The following SH2D3C variants were observed in gnomAD, a reference collection of about 807,000 sequenced individuals.
SH2D3C encodes SH2 domain containing 3C.
SH2D3C carries 25 observed loss-of-function variants against 75.2 expected under a neutral mutation model. The observed-to-expected ratio is 0.33, with a 90% confidence interval of 0.24 to 0.46. The LOEUF is 0.46. Ranked by LOEUF, SH2D3C falls within the 20% of genes least tolerant of loss-of-function variation. SH2D3C has a pLI of 1.00. For missense variants in SH2D3C, 933 were observed against 1,165.3 expected (o/e 0.80, Z 2.90); for synonymous variants, 450 against 473.7 (o/e 0.95, Z 0.65).
At chr9:127,767,225 G>T in intron 2 of SH2D3C, 2 of 1,500,334 alleles carry the variant, frequency 1.3e-6, no homozygotes, top group Non-Finnish European at 1.8e-6. Context: ...TCCCAGAGCG[G>T]AGCTGAGGAT....
At chr9:127,763,589 G>A (rs1408618439) in intron 2 of SH2D3C, among the ~76,000 whole-genome samples, 1 of 152,182 alleles carries the variant, frequency 6.6e-6, no homozygotes, top group East Asian at 1.9e-4. Flanking sequence ...GTTGATCGCT[G>A]TCATCATTAA....
chr9:127,755,031 G>C, intron 3 of SH2D3C: 1 of 947,402 alleles, frequency 1.1e-6, no homozygotes, highest in Non-Finnish European at 1.3e-6. Flanking sequence ...CGGAGCGGCC[G>C]GGGGTCCCAG....
intron 7 of SH2D3C, 94 bp from the exon 8 acceptor site, chr9:127,743,058 C>T: frequency 1.2e-6 from 1 of 809,642 alleles, no homozygotes; most frequent in Non-Finnish European, 2.0e-6. Flanking sequence ...GGTAGGTAGC[C>T]TGGTTGGGAG....
At chr9:127,747,041 G>T in intron 6 of SH2D3C, 106 bp downstream of exon 6, 1 of 1,133,116 alleles carries the variant, frequency 8.8e-7, no homozygotes. Flanking sequence ...CTTGGTAAAG[G>T]TCGCGCCTCA....
In SH2D3C at chr9:127,738,453, G is replaced by A. The variant is rs1377840036; in HGVS notation, c.*293C>T. ...ACAGACAGAGAGTGAGGAGGCGTGAGCAGCCTGCCTCCCATGGCTCGAAAA... is the reference window on the plus strand; with the variant it reads ...ACAGACAGAGAGTGAGGAGGCGTGAACAGCCTGCCTCCCATGGCTCGAAAA... On this transcript the variant is annotated 3_prime_UTR_variant, in exon 12 of 12. Transcript: ENST00000314830. The surrounding 1 kb of genome is among the most constrained non-coding windows in gnomAD (Gnocchi z 5.0). The A allele has an allele frequency of 3.4e-6, 1 of 291,952 alleles. No individual in the cohort carries two copies. The highest frequency in any genetic ancestry group is 2.2e-5 in the African/African-American group (1 of 45,552). The allele number at this position is 291,952 out of a possible 1,614,324, so 18.1% of individuals were successfully genotyped here. A position where few individuals can be genotyped will look rare whatever the true frequency, so the allele number is the denominator to read the frequency against.
chr9:127,741,084 A>G (rs1169558607), intron 9 of SH2D3C, among the ~76,000 whole-genome samples: 1 of 152,202 alleles, frequency 6.6e-6, no homozygotes, highest in Non-Finnish European at 1.5e-5. Context: ...ACCTTAGGCA[A>G]GGACTGCTCT....
chr9:127,776,350 C>T (rs1355008908), intron 1 of SH2D3C, among the ~76,000 whole-genome samples: 1 of 151,840 alleles, frequency 6.6e-6, no homozygotes, highest in African/African-American at 2.4e-5. Flanking sequence ...TTCCAGCCAG[C>T]CTCTGTGCAC....
rs1180024814 is a variant in SH2D3C, at chr9:127,749,400, C to A, written c.950G>T (p.Cys317Phe). The A allele has an allele frequency of 1.2e-6, 2 of 1,614,034 alleles. No homozygotes were observed. Among genetic ancestry groups the A allele is most frequent in the African/African-American group, 2.7e-5 (2 of 74,940 alleles). The change falls in exon 5 of 12, where the codon TGC becomes TTC. Residue 317 changes from cysteine to phenylalanine, a missense_variant. Coordinates refer to ENST00000314830, the MANE Select transcript of SH2D3C (RefSeq NM_170600.3). The surrounding 1 kb of genome is among the most constrained non-coding windows in gnomAD (Gnocchi z 5.9). Reference protein sequence around the residue: ...VSEQSGAIIYCPVNRTFPLRY... With the variant: ...VSEQSGAIIYFPVNRTFPLRY... ...CAGTGGGAAGGTGCGGTTCACCGGGCAGTAGATGATGGCACCACTCTGCTC... is the reference window on the plus strand; with the variant it reads ...CAGTGGGAAGGTGCGGTTCACCGGGAAGTAGATGATGGCACCACTCTGCTC...
At chr9:127,740,705 G>A (rs1844829229) in intron 9 of SH2D3C, among the ~76,000 whole-genome samples, 1 of 152,220 alleles carries the variant, frequency 6.6e-6, no homozygotes, top group South Asian at 2.1e-4. Context: ...TTTTGAGACG[G>A]AGTCTCATTC....
At position 127,754,061 on chromosome 9, in the gene SH2D3C, G is replaced by A. The variant is rs1011664555; in HGVS notation, c.556-2761C>T. ...ACACCTGAGGGTGAGGAATCCTAGG[G>A]TCCCTGTGCCTTGATCTCACCTCGA... On this transcript the variant is annotated intron_variant, in intron 3 of 11. Coordinates refer to ENST00000314830, the MANE Select transcript of SH2D3C (RefSeq NM_170600.3). This position sits in a 1 kb window ranked among gnomAD's most constrained non-coding sequence, Gnocchi z 4.4. Among the ~76,000 whole-genome samples, 3 of 152,160 alleles carry A rather than the reference G, an allele frequency of 2.0e-5. No individual in the cohort carries two copies. The highest frequency in any genetic ancestry group is 4.4e-5 in the Non-Finnish European group (3 of 67,994).
rs769069618 is a variant in SH2D3C at position 127,754,847 on chromosome 9, G to T, written c.556-3547C>A. On this transcript the variant is annotated intron_variant, in intron 3 of 11. Coordinates refer to ENST00000314830, the MANE Select transcript of SH2D3C (RefSeq NM_170600.3). The surrounding 1 kb of genome is among the most constrained non-coding windows in gnomAD (Gnocchi z 4.4). ...AGGCAGAAACGGACCGGCATCTACC[G>T]CAGCCCAGAGTCCCAGGAGTGGCCG... 6.0e-6 allele frequency: 3 copies of T among 495,880 alleles called. No homozygotes were observed. The highest frequency in any genetic ancestry group is 1.2e-5 in the Non-Finnish European group (3 of 243,754). 30.7% of individuals were successfully genotyped at this position (495,880 alleles called of 1,614,324 possible).
Position 127,774,515 on chromosome 9 carries a change from T to G in SH2D3C, c.38-48A>C, listed in dbSNP as rs1328074587. The G allele has an allele frequency of 1.0e-6, 1 of 952,598 alleles. No individual in the cohort carries two copies. Among genetic ancestry groups the G allele is most frequent in the Non-Finnish European group, 1.7e-6 (1 of 592,178 alleles). 59.0% of individuals were successfully genotyped at this position (952,598 alleles called of 1,614,324 possible). A position where few individuals can be genotyped will look rare whatever the true frequency, so the allele number is the denominator to read the frequency against. ...AAAGAAGTTAATGACAATGTCAACA[T>G]CAGTGATAATAATGAACAATTCCTG... On this transcript the variant is annotated intron_variant, in intron 1 of 11. Transcript: ENST00000314830. The surrounding 1 kb of genome is among the most constrained non-coding windows in gnomAD (Gnocchi z 4.3).
chr9:127,744,435 A>T, intron 7 of SH2D3C, 129 bp downstream of exon 7: 1 of 1,209,330 alleles, frequency 8.3e-7, no homozygotes, highest in Non-Finnish European at 1.1e-6. Context: ...CAGAGCAGGC[A>T]AAGGACAGCC....
intron 6 of SH2D3C, 61 bp from the exon 7 acceptor site, chr9:127,745,160 G>A (rs978394331): frequency 2.0e-5 from 28 of 1,369,540 alleles, no homozygotes; most frequent in African/African-American, 2.9e-5. Context: ...TGAGATTCCC[G>A]CACCCCTTCC....
At position 127,749,685 on chromosome 9, in the gene SH2D3C, G is replaced by A. The variant is rs760070901; in HGVS notation, c.685-20C>T. 7.1e-5 allele frequency: 107 copies of A among 1,497,728 alleles called. No homozygotes were observed. The highest frequency in any genetic ancestry group is 8.9e-5 in the Non-Finnish European group (99 of 1,110,442). 92.8% of individuals were successfully genotyped at this position (1,497,728 alleles called of 1,614,324 possible). A position where few individuals can be genotyped will look rare whatever the true frequency, so the allele number is the denominator to read the frequency against. The stretch of plus-strand genomic sequence containing the variant: ...CGAGACCTGCAGAAGGCATGGTTAG[G>A]CTGGAGTAGGGTGGGGCCAGGAGAG... On this transcript the variant is annotated intron_variant, in intron 4 of 11. Coordinates refer to ENST00000314830, the MANE Select transcript of SH2D3C (RefSeq NM_170600.3). The surrounding 1 kb of genome is among the most constrained non-coding windows in gnomAD (Gnocchi z 5.9).
At position 127,774,181 on chromosome 9, in the gene SH2D3C, G is replaced by A. The variant is rs781276901; in HGVS notation, c.324C>T (p.Pro108=). 7.2e-5 allele frequency: 117 copies of A among 1,613,872 alleles called. 2 individuals carry two copies. Among genetic ancestry groups the A allele is most frequent in the South Asian group, 2.3e-4 (21 of 91,058 alleles). The change falls in exon 2 of 12, where the codon CCC becomes CCT. Residue 108 remains proline, a synonymous_variant. Coordinates refer to ENST00000314830, the MANE Select transcript of SH2D3C (RefSeq NM_170600.3). The surrounding 1 kb of genome is among the most constrained non-coding windows in gnomAD (Gnocchi z 4.3). ...QEAGPKPNLV[P]GGVPDPPGLE... is the part of the protein sequence containing the mutation. Reference sequence around the variant, plus strand: ...AGCCTGGGGGGTCGGGTACACCTCCGGGTACCAAGTTGGGCTTGGGACCCG... The same window carrying A: ...AGCCTGGGGGGTCGGGTACACCTCCAGGTACCAAGTTGGGCTTGGGACCCG...
In SH2D3C at chr9:127,749,341, C is replaced by T. The variant is rs200412602; in HGVS notation, c.1009G>A (p.Gly337Arg). ...YLEASYGLGQ[G>R]SSKPASPVSP... ...ACGGGGCTAGCAGGCTTGCTACTCC[C>T]CTGTCCCAGGCCATAGCTGGCCTCG... Residue 337 changes from glycine to arginine, a missense_variant, in exon 5 of 12, where the codon GGG (glycine) becomes AGG (arginine). Physicochemically the swap from Gly to Arg is moderately radical, Grantham distance 125. Transcript: ENST00000314830. The surrounding 1 kb of genome is among the most constrained non-coding windows in gnomAD (Gnocchi z 5.9). 6.2e-7 allele frequency: 1 copy of T among 1,613,432 alleles called. No individual in the cohort carries two copies. The highest frequency in any genetic ancestry group is 1.1e-5 in the South Asian group (1 of 91,072).
intron 6 of SH2D3C, among the ~76,000 whole-genome samples, chr9:127,745,321 C>T (rs1485703512): frequency 6.6e-6 from 1 of 152,016 alleles, no homozygotes; most frequent in Non-Finnish European, 1.5e-5. Flanking sequence ...TTTGCATGGC[C>T]CCACCCTGAG....
chr9:127,771,542 C>T, intron 2 of SH2D3C: 1 of 380,424 alleles, frequency 2.6e-6, no homozygotes. Flanking sequence ...CCGCCCGGCT[C>T]CAACGCTCGC....
Sources: gnomAD v4.1 joint callset for allele counts (sites outside exome capture counted in the v4.1 genomes callset) on GRCh38, gnomAD v4.1.1 for gene constraint, Gnocchi (gnomAD v3.1) non-coding constraint, MANE v1.5 for transcripts, NCBI Gene and HGNC (gene_info 2026-07-23, HGNC 2026-07-21) for gene names.